The following NSMCE2 variants were observed in gnomAD, a reference collection of about 807,000 sequenced individuals.
NSMCE2 encodes E3 SUMO-protein ligase NSE2.
A neutral mutation model predicts 23.8 loss-of-function variants in NSMCE2; 24 were observed. The ratio of observed to expected loss-of-function variants is 1.01; its 90% CI spans 0.73 to 1.42. The LOEUF is 1.42. NSMCE2 is among the 40% of genes most tolerant of loss of function. NSMCE2 has a pLI of 0.00. For synonymous variants in NSMCE2, 92 were observed against 94.1 expected, an observed-to-expected ratio of 0.98 and a Z score of 0.13; for missense variants, 284 against 296.5, an observed-to-expected ratio of 0.96 and a Z score of 0.31.
chr8:125,347,927 G>A (rs1812847978), intron 5 of NSMCE2, among the ~76,000 whole-genome samples: 1 of 152,194 alleles, frequency 6.6e-6, no homozygotes, highest in Non-Finnish European at 1.5e-5. Flanking sequence ...CATTTAAGGG[G>A]GTGGTAGAGT....
intron 3 of NSMCE2, among the ~76,000 whole-genome samples, chr8:125,127,893 A>G: frequency 6.6e-6 from 1 of 152,208 alleles, no homozygotes; most frequent in Non-Finnish European, 1.5e-5. Context: ...AATTTTATAC[A>G]ACATTTTAAG....
At chr8:125,144,049 G>A (rs1017582401) in intron 3 of NSMCE2, among the ~76,000 whole-genome samples, 2 of 152,140 alleles carry the variant, frequency 1.3e-5, no homozygotes, top group African/African-American at 4.8e-5. Flanking sequence ...AGGGAAAAGA[G>A]GGGGGGAAAG....
chr8:125,136,992 T>A (rs902883068), intron 3 of NSMCE2, among the ~76,000 whole-genome samples: 1 of 152,140 alleles, frequency 6.6e-6, no homozygotes, highest in Non-Finnish European at 1.5e-5. Context: ...AGTATAATGA[T>A]ATTTGTAGTT....
chr8:125,115,475 G>A (rs1013815318), intron 3 of NSMCE2, among the ~76,000 whole-genome samples: 1 of 152,216 alleles, frequency 6.6e-6, no homozygotes, highest in Non-Finnish European at 1.5e-5. Flanking sequence ...TTCAGGCCGG[G>A]CTCAGTGGCT....
chr8:125,272,953 ACCC>A (rs1168662787), intron 5 of NSMCE2, among the ~76,000 whole-genome samples: 1 of 151,136 alleles, frequency 6.6e-6, no homozygotes, highest in African/African-American at 2.4e-5. Context: ...CAGGGTTGAA[ACCC>A]CTCCCAAGAG....
intron 5 of NSMCE2, among the ~76,000 whole-genome samples, chr8:125,297,604 A>C (rs1472879938): frequency 6.6e-6 from 1 of 152,046 alleles, no homozygotes. Flanking sequence ...GACCAGACAG[A>C]AAGATCAGTT....
At chr8:125,274,929 C>CAAA (rs36192929) in intron 5 of NSMCE2, among the ~76,000 whole-genome samples, 3 of 59,860 alleles carry the variant, frequency 5.0e-5, no homozygotes, top group Non-Finnish European at 1.1e-4. Context: ...GACTCAGTCT[C>CAAA]AAAAAAAAAA....
chr8:125,257,303 AG>A (rs1826476041), intron 5 of NSMCE2, among the ~76,000 whole-genome samples: 1 of 151,706 alleles, frequency 6.6e-6, no homozygotes, highest in Non-Finnish European at 1.5e-5. Flanking sequence ...AAAAAAAAAA[AG>A]ACATTTAAAG....
At chr8:125,323,475 G>C (rs574481870) in intron 5 of NSMCE2, among the ~76,000 whole-genome samples, 3 of 152,318 alleles carry the variant, frequency 2.0e-5, no homozygotes, top group Admixed American at 6.5e-5. Flanking sequence ...GAATGGAATA[G>C]AGTCCAGAAA....
intron 3 of NSMCE2, among the ~76,000 whole-genome samples, chr8:125,114,252 G>A (rs1425387545): frequency 1.3e-5 from 2 of 152,026 alleles, no homozygotes; most frequent in Non-Finnish European, 2.9e-5. Flanking sequence ...CTTTATTAAT[G>A]TTATTTATTG....
At chr8:125,094,199 A>T (rs1817819527) in intron 1 of NSMCE2, among the ~76,000 whole-genome samples, 2 of 152,308 alleles carry the variant, frequency 1.3e-5, no homozygotes, top group South Asian at 4.1e-4. Context: ...CAGTTAATTT[A>T]TTCATTTATT....
chr8:125,132,924 C>T (rs969678677), intron 3 of NSMCE2, among the ~76,000 whole-genome samples: 2 of 152,150 alleles, frequency 1.3e-5, no homozygotes, highest in Non-Finnish European at 2.9e-5. Context: ...GCCTGAAATG[C>T]ACTTTACAGG....
chr8:125,167,727 A>G (rs545294407), intron 4 of NSMCE2, among the ~76,000 whole-genome samples: 152 of 152,080 alleles, frequency 1.0e-3, no homozygotes, highest in African/African-American at 3.3e-3. Context: ...ACTTGGGGGG[A>G]AAAATCAGTG....
intron 4 of NSMCE2, 37 bp downstream of exon 4, chr8:125,151,314 A>G (rs1411215342): frequency 9.4e-7 from 1 of 1,062,624 alleles, no homozygotes; most frequent in East Asian, 2.4e-5. Flanking sequence ...ATATTTGGTT[A>G]CAACTCACTG....
intron 5 of NSMCE2, among the ~76,000 whole-genome samples, chr8:125,287,715 C>T (rs1827955370): frequency 6.6e-6 from 1 of 152,178 alleles, no homozygotes; most frequent in African/African-American, 2.4e-5. Context: ...CTTTCCCTGT[C>T]TTAAAAGAGT....
At chr8:125,106,667 A>T (rs1488497467) in intron 3 of NSMCE2, among the ~76,000 whole-genome samples, 2 of 151,268 alleles carry the variant, frequency 1.3e-5, no homozygotes, top group Non-Finnish European at 2.9e-5. Context: ...CCTGGGCGAC[A>T]GAGCAAGACT....
chr8:125,223,591 G>A (rs905611883), intron 5 of NSMCE2, among the ~76,000 whole-genome samples: 3 of 152,042 alleles, frequency 2.0e-5, no homozygotes, highest in East Asian at 1.9e-4. Flanking sequence ...ACATTCCCAC[G>A]AACAATGTAC....
rs540347424 is a variant in NSMCE2 at position 125,174,468 on chromosome 8, G to A, written c.265-7635G>A. Among the ~76,000 whole-genome samples the A allele has an allele frequency of 2.0e-5, 3 of 152,252 alleles. No individual in the cohort carries two copies. The South Asian group carries it at 6.2e-4, about 32-fold the overall frequency. ...GTATTCTGTGTAAATAAATCATTCC[G>A]GTTGGTCATCGTATTATAGTGGGCA... On this transcript the variant is annotated intron_variant, in intron 4 of 7. Coordinates refer to ENST00000287437, the MANE Select transcript of NSMCE2 (RefSeq NM_173685.4).
chr8:125,367,089 T>C lies in NSMCE2; in HGVS notation c.*204T>C, dbSNP rs1813829887. The C allele has an allele frequency of 6.0e-6, 3 of 498,856 alleles. No homozygotes were observed. Among genetic ancestry groups the C allele is most frequent in the South Asian group, 6.4e-5 (2 of 31,146 alleles). 30.9% of individuals were successfully genotyped at this position (498,856 alleles called of 1,614,324 possible). On this transcript the variant is annotated 3_prime_UTR_variant, in exon 8 of 8. Coordinates refer to ENST00000287437, the MANE Select transcript of NSMCE2 (RefSeq NM_173685.4). ...TCATATTGTTTATTTTTAAGTGTTC[T>C]ATAATGTTAAATAAAACTTTGATCA...
Sources: gnomAD v4.1 joint callset for allele counts (sites outside exome capture counted in the v4.1 genomes callset) on GRCh38, gnomAD v4.1.1 for gene constraint, MANE v1.5 for transcripts, NCBI Gene and HGNC (gene_info 2026-07-23, HGNC 2026-07-21) for gene names.